The following SIPA1L2 variants were observed in gnomAD, a reference collection of about 807,000 sequenced individuals.
SIPA1L2 encodes signal-induced proliferation-associated 1-like protein 2.
Under a neutral mutation model 163.9 loss-of-function variants are expected in SIPA1L2, and 56 were observed. The observed-to-expected ratio is 0.34, with a 90% CI of 0.28 to 0.43. The LOEUF is 0.43. SIPA1L2 is among the 20% of genes least tolerant of loss of function. The probability of loss-of-function intolerance (pLI) is 1.00; values close to 1 mark genes in which losing one functional copy is unlikely to be tolerated. For missense variants in SIPA1L2, 1,974 were observed against 2,193.5 expected, an observed-to-expected ratio of 0.90 and a Z score of 2.00; for synonymous variants, 877 against 865.7, an observed-to-expected ratio of 1.01 and a Z score of -0.23.
At chr1:232,548,802 G>C (rs1658204930) in intron 2 of SIPA1L2, among the ~76,000 whole-genome samples, 1 of 152,152 alleles carries the variant, frequency 6.6e-6, no homozygotes, top group South Asian at 2.1e-4. Flanking sequence ...CATCACAGAA[G>C]GATGGCATGG....
At chr1:232,603,243 T>C (rs932683749) in intron 1 of SIPA1L2, among the ~76,000 whole-genome samples, 1 of 152,026 alleles carries the variant, frequency 6.6e-6, no homozygotes, top group Non-Finnish European at 1.5e-5. Context: ...CTGTGAAATG[T>C]ATTGAGAAGA....
chr1:232,625,674 A>C (rs952628480), intron 1 of SIPA1L2, among the ~76,000 whole-genome samples: 1 of 152,186 alleles, frequency 6.6e-6, no homozygotes, highest in Admixed American at 6.5e-5. Flanking sequence ...ACGTTACACC[A>C]AGAGCCCAAC....
chr1:232,444,134 CAT>C (rs1272477504), intron 11 of SIPA1L2, among the ~76,000 whole-genome samples: 2 of 152,172 alleles, frequency 1.3e-5, no homozygotes, highest in Non-Finnish European at 2.9e-5. Context: ...TATTTTCACA[CAT>C]CTCTTGAATG....
chr1:232,553,969 G>A (rs1354260476), intron 2 of SIPA1L2, among the ~76,000 whole-genome samples: 1 of 152,080 alleles, frequency 6.6e-6, no homozygotes, highest in African/African-American at 2.4e-5. Flanking sequence ...CAAGCAGCAA[G>A]GCCCCATGGT....
At chr1:232,539,988 G>A in intron 2 of SIPA1L2, among the ~76,000 whole-genome samples, 1 of 152,132 alleles carries the variant, frequency 6.6e-6, no homozygotes. Context: ...GTAAAATAGT[G>A]TCCAGCTCCC....
At chr1:232,423,766 T>A (rs577217570) in intron 18 of SIPA1L2, among the ~76,000 whole-genome samples, 1 of 152,240 alleles carries the variant, frequency 6.6e-6, no homozygotes, top group South Asian at 2.1e-4. Flanking sequence ...CTAAACAAAC[T>A]ACGGTACATC....
At chr1:232,496,111 T>G (rs1021802812) in intron 3 of SIPA1L2, among the ~76,000 whole-genome samples, 4 of 152,248 alleles carry the variant, frequency 2.6e-5, no homozygotes, top group Non-Finnish European at 5.9e-5. Context: ...AATCACTGAC[T>G]CACGCAGAGC....
intron 7 of SIPA1L2, among the ~76,000 whole-genome samples, chr1:232,477,098 T>G (rs1335269265): frequency 6.6e-6 from 1 of 152,214 alleles, no homozygotes; most frequent in Non-Finnish European, 1.5e-5. Context: ...AGATTGCAAG[T>G]GGCATTATTT....
At chr1:232,609,437 T>C (rs561939522) in intron 1 of SIPA1L2, among the ~76,000 whole-genome samples, 17 of 152,278 alleles carry the variant, frequency 1.1e-4, no homozygotes, top group African/African-American at 3.6e-4. Flanking sequence ...GTCTCTATTA[T>C]GCATATTATT....
chr1:232,490,702 G>T, intron 5 of SIPA1L2, 172 bp downstream of exon 5: 1 of 678,940 alleles, frequency 1.5e-6, no homozygotes, highest in Non-Finnish European at 2.4e-6. Flanking sequence ...ATACTATAAT[G>T]GCATCATGTT....
In SIPA1L2 at chr1:232,483,923, C is replaced by T. The variant is rs1227876370; in HGVS notation, c.1850G>A (p.Gly617Asp). 6.2e-7 allele frequency: 1 copy of T among 1,613,700 alleles called. No homozygotes were observed. The highest frequency in any genetic ancestry group is 1.7e-5 in the Admixed American group (1 of 59,918). Reference sequence around the variant, plus strand: ...ATACATCTCTTCCTCTGTGCTCTGGCCTGCTTTGCAATAAAGGATCCCGAT... The same window carrying T: ...ATACATCTCTTCCTCTGTGCTCTGGTCTGCTTTGCAATAAAGGATCCCGAT... ...HKIGILYCKA[G>D]QSTEEEMYNN... The change falls in exon 6 of 23, where the codon GGC becomes GAC. Residue 617 changes from glycine (G) to aspartate (D), a missense_variant. Gly to Asp is a moderately conservative substitution (Grantham distance 94). Around this residue, in one of 3 missense-constraint regions of SIPA1L2, gnomAD observed 288 missense variants for 418.9 expected, o/e 0.69. Coordinates refer to ENST00000674635, the MANE Select transcript of SIPA1L2 (RefSeq NM_020808.5).
chr1:232,435,933 G>GTAC (rs1662534093), intron 15 of SIPA1L2, among the ~76,000 whole-genome samples: 1 of 152,080 alleles, frequency 6.6e-6, no homozygotes, highest in Non-Finnish European at 1.5e-5. Flanking sequence ...ACACAATTCT[G>GTAC]TACTTATTTA....
intron 2 of SIPA1L2, among the ~76,000 whole-genome samples, chr1:232,566,791 T>C (rs553769226): frequency 7.9e-5 from 12 of 152,360 alleles, no homozygotes; most frequent in African/African-American, 2.9e-4. Context: ...GGGCTTTAGG[T>C]TACCAATGGG....
rs947981113 is a variant in SIPA1L2 at position 232,398,947 on chromosome 1, C to T, written c.*180G>A. On this transcript the variant is annotated 3_prime_UTR_variant, in exon 23 of 23. Coordinates refer to ENST00000674635, the MANE Select transcript of SIPA1L2 (RefSeq NM_020808.5). Reference sequence around the variant, plus strand: ...TTCATCTTCACATCGGCGCTGCTCTCTGCCGTGGTTACCGAGAAAGAGTCG... The same window carrying T: ...TTCATCTTCACATCGGCGCTGCTCTTTGCCGTGGTTACCGAGAAAGAGTCG... The T allele has an allele frequency of 8.1e-6, 6 of 742,144 alleles. No homozygotes were observed. The Admixed American group carries it at 1.7e-4, about 21-fold the overall frequency. The allele number at this position is 742,144 out of a possible 1,614,324, so 46.0% of individuals were successfully genotyped here.
chr1:232,490,842 C>T (rs1363833967), intron 5 of SIPA1L2, 32 bp downstream of exon 5: 18 of 1,543,166 alleles, frequency 1.2e-5, no homozygotes, highest in Non-Finnish European at 1.6e-5. Flanking sequence ...CACAAATTCA[C>T]ACACAAACAT....
intron 3 of SIPA1L2, among the ~76,000 whole-genome samples, chr1:232,501,856 C>T (rs1004985578): frequency 5.3e-5 from 8 of 152,146 alleles, no homozygotes; most frequent in Non-Finnish European, 7.4e-5. Flanking sequence ...CGCAGGAGGC[C>T]GGCTCTCTCA....
chr1:232,620,075 G>A (rs1245644050), intron 1 of SIPA1L2, among the ~76,000 whole-genome samples: 3 of 152,062 alleles, frequency 2.0e-5, no homozygotes, highest in Non-Finnish European at 4.4e-5. Context: ...AGTAGAGACG[G>A]GGTTTCACCA....
At chr1:232,471,296 C>T in intron 8 of SIPA1L2, 75 bp downstream of exon 8, 2 of 1,470,956 alleles carry the variant, frequency 1.4e-6, no homozygotes, top group Middle Eastern at 4.3e-4. Flanking sequence ...AATTGGCAAA[C>T]AAAGATATTT....
chr1:232,539,775 C>T (rs1457991143), intron 2 of SIPA1L2, among the ~76,000 whole-genome samples: 5 of 152,208 alleles, frequency 3.3e-5, no homozygotes, highest in Admixed American at 6.5e-5. Flanking sequence ...AGTCTGACGA[C>T]AGCCCTCTTA....
Sources: gnomAD v4.1 joint callset for allele counts (sites outside exome capture counted in the v4.1 genomes callset) on GRCh38, gnomAD v4.1.1 for gene constraint, gnomAD v4.1.1 regional missense constraint, MANE v1.5 for transcripts, NCBI Gene and HGNC (gene_info 2026-07-23, HGNC 2026-07-21) for gene names.